Variants in ADAMTS13 observed in about 807,000 individuals in gnomAD.
ADAMTS13 encodes A disintegrin and metalloproteinase with thrombospondin motifs 13.
In ADAMTS13, 110 loss-of-function variants were observed where a neutral mutation model predicts 155.1. That is an observed-to-expected ratio of 0.71 (90% confidence interval 0.61 to 0.83). The LOEUF (loss-of-function observed/expected upper bound fraction) is 0.83, where lower values mean the gene tolerates loss of function less well. Ranked by LOEUF, ADAMTS13 falls within the 40% of genes least tolerant of loss-of-function variation. The pLI is 0.00. For synonymous variants in ADAMTS13, 758 were observed against 756.4 expected, an observed-to-expected ratio of 1.00 and a Z score of -0.03; for missense variants, 1,707 against 1,891.7, an observed-to-expected ratio of 0.90 and a Z score of 1.81.
rs781854383 is a variant in ADAMTS13, at chr9:133,458,014, C to T, written c.3829C>T (p.Pro1277Ser). 5.6e-6 allele frequency: 9 copies of T among 1,613,376 alleles called. No individual in the cohort carries two copies. The change falls in exon 28 of 29, where the codon CCG (proline) becomes TCG (serine). Residue 1277 changes from proline (P) to serine (S), a missense_variant. This residue lies in a region of ADAMTS13 where 961 missense variants were observed against 1,107.9 expected (regional missense o/e 0.87). Coordinates refer to ENST00000355699, the MANE Select transcript of ADAMTS13 (RefSeq NM_139027.6). ...GGCRLFINVA[P>S]HARIAIHALA... ...CTGCCGGCTCTTCATTAATGTGGCTCCGCACGCACGGATTGCCATCCATGC... is the reference window on the plus strand; with the variant it reads ...CTGCCGGCTCTTCATTAATGTGGCTTCGCACGCACGGATTGCCATCCATGC...
intron 6 of ADAMTS13, among the ~76,000 whole-genome samples, chr9:133,427,404 A>G (rs1013398733): frequency 6.6e-6 from 1 of 152,216 alleles, no homozygotes; most frequent in African/African-American, 2.4e-5. Context: ...CAGTGCAGAG[A>G]TTTCTAAAGT....
Position 133,455,455 on chromosome 9 carries a change from C to T in ADAMTS13, c.3400+20C>T. 3 of 1,612,506 alleles carry T rather than the reference C, an allele frequency of 1.9e-6. No homozygotes were observed. The South Asian group carries it at 3.3e-5, about 18-fold the overall frequency. Reference sequence around the variant, plus strand: ...GACAGGGTACGCCCAGCCTGGTGCCCCACGAAGAAGCCGCTGCTCCAGGAC... The same window carrying T: ...GACAGGGTACGCCCAGCCTGGTGCCTCACGAAGAAGCCGCTGCTCCAGGAC... On this transcript the variant is annotated intron_variant, in intron 25 of 28. Coordinates refer to ENST00000355699, the MANE Select transcript of ADAMTS13 (RefSeq NM_139027.6).
rs1013179750 is a variant in ADAMTS13 at position 133,425,186 on chromosome 9, A to G, written c.331-343A>G. 2.0e-5 allele frequency among the ~76,000 whole-genome samples: 3 copies of G among 152,214 alleles called. No homozygotes were observed. Among genetic ancestry groups the G allele is most frequent in the African/African-American group, 4.8e-5 (2 of 41,454 alleles). On this transcript the variant is annotated intron_variant, in intron 3 of 28. Coordinates refer to ENST00000355699, the MANE Select transcript of ADAMTS13 (RefSeq NM_139027.6). This position sits in a 1 kb window ranked among gnomAD's most constrained non-coding sequence, Gnocchi z 4.6. ...CTAAAAATACAAAACTTAGCTGGGC[A>G]TGGTGGCAGGCGCCTGTAATCTGAG...
intron 9 of ADAMTS13, 39 bp downstream of exon 9, chr9:133,432,731 C>T (rs1397733759): frequency 1.4e-5 from 22 of 1,539,212 alleles, no homozygotes; most frequent in Admixed American, 1.4e-4. Context: ...CCTGTGAGCA[C>T]GTGCACGTGG....
Position 133,441,127 on chromosome 9 carries a change from A to G in ADAMTS13, c.1968+602A>G, listed in dbSNP as rs189373312. Among the ~76,000 whole-genome samples, 53 of 152,226 alleles carry G rather than the reference A, an allele frequency of 3.5e-4. No individual in the cohort carries two copies. In the East Asian group the frequency reaches 6.0e-3, roughly 17 times the overall value. ...CGTGTGCTCGCCCATGTATGTCCCC[A>G]TTGGTGCTTCGCTGAGGAAGGCACG... is the stretch of plus-strand genomic sequence containing the variant. On this transcript the variant is annotated intron_variant, in intron 16 of 28. Coordinates refer to ENST00000355699, the MANE Select transcript of ADAMTS13 (RefSeq NM_139027.6). This position sits in a 1 kb window ranked among gnomAD's most constrained non-coding sequence, Gnocchi z 5.0.
Position 133,424,388 on chromosome 9 carries a change from A to C in ADAMTS13, c.240A>C (p.Leu80=). 4 of 1,613,428 alleles carry C rather than the reference A, an allele frequency of 2.5e-6. No homozygotes were observed. Among genetic ancestry groups the C allele is most frequent in the Non-Finnish European group, 3.4e-6 (4 of 1,179,952 alleles). The part of the protein sequence containing the change: ...QRQRRAAGGI[L]HLELLVAVGP... ...AGAGGCGGGCTGCAGGCGGCATCCT[A>C]CACCTGGAGCTGCTGGTGGCCGTGG... Residue 80 remains leucine, a synonymous_variant, in exon 3 of 29, where the codon CTA becomes CTC. Coordinates refer to ENST00000355699, the MANE Select transcript of ADAMTS13 (RefSeq NM_139027.6). This position sits in a 1 kb window ranked among gnomAD's most constrained non-coding sequence, Gnocchi z 4.3.
chr9:133,455,578 G>T, intron 25 of ADAMTS13, 143 bp downstream of exon 25: 1 of 1,605,236 alleles, frequency 6.2e-7, no homozygotes, highest in Non-Finnish European at 8.5e-7. Context: ...TCCTGCCCGG[G>T]CCCCAGGAAA....
At chr9:133,446,944 G>A (rs1240446333) in intron 21 of ADAMTS13, among the ~76,000 whole-genome samples, 6 of 152,058 alleles carry the variant, frequency 3.9e-5, no homozygotes, top group Non-Finnish European at 8.8e-5. Flanking sequence ...TGTAACCTTC[G>A]CCTCCGGGGC....
rs1840239202 is a variant in ADAMTS13 at position 133,425,753 on chromosome 9, C to T, written c.414+141C>T. The stretch of plus-strand genomic sequence containing the variant: ...GCATTCAGCCAGACAGACCAGCTGC[C>T]CTCCCAGCTCTACCCAGCACTCAGC... On this transcript the variant is annotated intron_variant, in intron 4 of 28. Coordinates refer to ENST00000355699, the MANE Select transcript of ADAMTS13 (RefSeq NM_139027.6). The surrounding 1 kb of genome is among the most constrained non-coding windows in gnomAD (Gnocchi z 4.6). 5.8e-6 allele frequency: 8 copies of T among 1,381,762 alleles called. No homozygotes were observed. The highest frequency in any genetic ancestry group is 4.0e-6 in the Non-Finnish European group (4 of 1,000,804). The allele number at this position is 1,381,762 out of a possible 1,614,324, so 85.6% of individuals were successfully genotyped here.
rs1457742883 is a variant in ADAMTS13, at chr9:133,445,454, C to G, written c.2611-245C>G. The stretch of plus-strand genomic sequence containing the variant: ...TGCTCCCATGTCCCACTCTTGGTCC[C>G]CAGCTCTCGGCCAGGCCCACAGTGA... On this transcript the variant is annotated intron_variant, in intron 20 of 28. Coordinates refer to ENST00000355699, the MANE Select transcript of ADAMTS13 (RefSeq NM_139027.6). The surrounding 1 kb of genome is among the most constrained non-coding windows in gnomAD (Gnocchi z 5.0). 2.0e-5 allele frequency among the ~76,000 whole-genome samples: 3 copies of G among 152,182 alleles called. No individual in the cohort carries two copies. Among genetic ancestry groups the G allele is most frequent in the Non-Finnish European group, 4.4e-5 (3 of 68,012 alleles).
Position 133,445,543 on chromosome 9 carries a change from C to T in ADAMTS13, c.2611-156C>T, listed in dbSNP as rs887310470. The stretch of plus-strand genomic sequence containing the variant: ...GCAGCAAGGATACCCGCTGCGAGAC[C>T]GGGGAGCCGATCTCGCCAAGGGAGG... On this transcript the variant is annotated intron_variant, in intron 20 of 28. Coordinates refer to ENST00000355699, the MANE Select transcript of ADAMTS13 (RefSeq NM_139027.6). The surrounding 1 kb of genome is among the most constrained non-coding windows in gnomAD (Gnocchi z 5.0). Among the ~76,000 whole-genome samples, 5 of 152,168 alleles carry T rather than the reference C, an allele frequency of 3.3e-5. No individual in the cohort carries two copies. The East Asian group carries it at 5.8e-4, about 18-fold the overall frequency.
chr9:133,440,613 G>C lies in ADAMTS13; in HGVS notation c.1968+88G>C, dbSNP rs1438043681. The C allele has an allele frequency of 7.1e-7, 1 of 1,411,604 alleles. No homozygotes were observed. Among genetic ancestry groups the C allele is most frequent in the Admixed American group, 2.3e-5 (1 of 43,000 alleles). The allele number at this position is 1,411,604 out of a possible 1,614,324, so 87.4% of individuals were successfully genotyped here. A position where few individuals can be genotyped will look rare whatever the true frequency, so the allele number is the denominator to read the frequency against. On this transcript the variant is annotated intron_variant, in intron 16 of 28. Transcript: ENST00000355699. The surrounding 1 kb of genome is among the most constrained non-coding windows in gnomAD (Gnocchi z 4.3). ...TCGTTTGTCTATCCATCCATTCCCT[G>C]ATTCGTTCATTTATTCATTCAGCGG... is the stretch of plus-strand genomic sequence containing the variant.
chr9:133,417,788 C>T, upstream of ADAMTS13: 1 of 1,609,980 alleles, frequency 6.2e-7, no homozygotes, highest in Non-Finnish European at 8.5e-7. Flanking sequence ...CAGGACCCGG[C>T]TTAGCCACGG....
At chr9:133,427,398 G>A (rs1840356223) in intron 6 of ADAMTS13, among the ~76,000 whole-genome samples, 1 of 152,190 alleles carries the variant, frequency 6.6e-6, no homozygotes, top group Non-Finnish European at 1.5e-5. Flanking sequence ...TTCAAACAGT[G>A]CAGAGATTTC....
intron 23 of ADAMTS13, among the ~76,000 whole-genome samples, chr9:133,451,319 G>A (rs1315011113): frequency 6.6e-6 from 1 of 152,124 alleles, no homozygotes; most frequent in Non-Finnish European, 1.5e-5. Flanking sequence ...AGGCAGTGAT[G>A]CAATCTTGGC....
At position 133,456,954 on chromosome 9, in the gene ADAMTS13, T is replaced by C. The variant is rs1842783694; in HGVS notation, c.3724+235T>C. 3.0e-6 allele frequency: 2 copies of C among 664,264 alleles called. No homozygotes were observed. The highest frequency in any genetic ancestry group is 1.6e-5 in the South Asian group (1 of 64,254). 41.1% of individuals were successfully genotyped at this position (664,264 alleles called of 1,614,324 possible). ...GACCGTGCAGCAAGATGGACGGATG[T>C]GGGACATGGTCCACATCCTCAGTCA... On this transcript the variant is annotated intron_variant, in intron 27 of 28. Coordinates refer to ENST00000355699, the MANE Select transcript of ADAMTS13 (RefSeq NM_139027.6). This position sits in a 1 kb window ranked among gnomAD's most constrained non-coding sequence, Gnocchi z 4.4.
At chr9:133,453,178 T>G (rs1018329777) in intron 23 of ADAMTS13, among the ~76,000 whole-genome samples, 1 of 152,160 alleles carries the variant, frequency 6.6e-6, no homozygotes, top group Non-Finnish European at 1.5e-5. Context: ...GGCTTATGCC[T>G]GTAATCCCAG....
chr9:133,427,456 C>T (rs919998201), intron 6 of ADAMTS13, among the ~76,000 whole-genome samples: 13 of 152,188 alleles, frequency 8.5e-5, no homozygotes, highest in African/African-American at 1.9e-4. Flanking sequence ...AACCCCCACC[C>T]GACCCCTTTC....
At chr9:133,457,495 G>A (rs1009857993) in intron 27 of ADAMTS13, among the ~76,000 whole-genome samples, 9 of 152,302 alleles carry the variant, frequency 5.9e-5, no homozygotes, top group South Asian at 4.1e-4. Context: ...GCCCAGCCCC[G>A]CCCACACAGG....
Sources: gnomAD v4.1 joint callset for allele counts (sites outside exome capture counted in the v4.1 genomes callset) on GRCh38, gnomAD v4.1.1 for gene constraint, gnomAD v4.1.1 regional missense constraint, Gnocchi (gnomAD v3.1) non-coding constraint, MANE v1.5 for transcripts, NCBI Gene and HGNC (gene_info 2026-07-23, HGNC 2026-07-21) for gene names.